The following TLL1 variants were observed in gnomAD, a reference collection of about 807,000 sequenced individuals.
TLL1 encodes tolloid-like protein 1.
Under a neutral mutation model 128.2 loss-of-function variants are expected in TLL1, and 49 were observed. The observed-to-expected ratio is 0.38, with a 90% confidence interval of 0.30 to 0.48. TLL1 has a LOEUF of 0.48. Ranked by LOEUF, TLL1 falls within the 20% of genes least tolerant of loss-of-function variation. The probability of loss-of-function intolerance (pLI) is 0.96; values close to 1 mark genes in which losing one functional copy is unlikely to be tolerated. For missense variants in TLL1, 1,123 were observed against 1,242.0 expected, an observed-to-expected ratio of 0.90 and a Z score of 1.44; for synonymous variants, 454 against 418.8, an observed-to-expected ratio of 1.08 and a Z score of -1.03.
At chr4:166,074,809 A>G in intron 16 of TLL1, 69 bp from the exon 17 acceptor site, 2 of 1,595,132 alleles carry the variant, frequency 1.3e-6, no homozygotes. Flanking sequence ...ACCACAACTA[A>G]ATGACTCCCT....
intron 1 of TLL1, among the ~76,000 whole-genome samples, chr4:165,906,556 C>CA (rs1732264239): frequency 6.6e-6 from 1 of 152,098 alleles, no homozygotes; most frequent in South Asian, 2.1e-4. Flanking sequence ...TTTTAATAAA[C>CA]AGTGAAATTA....
chr4:165,945,236 G>A (rs749258652), intron 1 of TLL1, among the ~76,000 whole-genome samples: 2 of 151,474 alleles, frequency 1.3e-5, no homozygotes, highest in Non-Finnish European at 3.0e-5. Context: ...ATGTGAATGG[G>A]ACAAAAATTG....
intron 9 of TLL1, among the ~76,000 whole-genome samples, chr4:166,033,691 C>T (rs137860704): frequency 1.3e-5 from 2 of 152,250 alleles, no homozygotes; most frequent in Admixed American, 6.5e-5. Flanking sequence ...AGTTCACATG[C>T]ATATCTTTCT....
At chr4:166,058,935 T>C (rs555029599) in intron 14 of TLL1, among the ~76,000 whole-genome samples, 1 of 152,210 alleles carries the variant, frequency 6.6e-6, no homozygotes, top group South Asian at 2.1e-4. Context: ...TTCTTAAAAG[T>C]CTGAACTTTC....
At chr4:165,904,004 A>G (rs894080197) in intron 1 of TLL1, among the ~76,000 whole-genome samples, 1 of 152,178 alleles carries the variant, frequency 6.6e-6, no homozygotes, top group South Asian at 2.1e-4. Flanking sequence ...TACGTTTAAC[A>G]AACGCTAGTT....
rs532734433 is a variant in TLL1 at position 165,924,776 on chromosome 4, G to A, written c.169+50703G>A. 7.2e-5 allele frequency among the ~76,000 whole-genome samples: 11 copies of A among 152,272 alleles called. No individual in the cohort carries two copies. In the South Asian group the frequency reaches 1.7e-3, roughly 23 times the overall value. On this transcript the variant is annotated intron_variant, in intron 1 of 20. Coordinates refer to ENST00000061240, the MANE Select transcript of TLL1 (RefSeq NM_012464.5). ...AGAGGAGAAGTCAATGCATGACTTCGAAGCTTCAAAGGACAGGCTGACTCT... is the reference window on the plus strand; with the variant it reads ...AGAGGAGAAGTCAATGCATGACTTCAAAGCTTCAAAGGACAGGCTGACTCT...
intron 14 of TLL1, among the ~76,000 whole-genome samples, chr4:166,057,661 A>C (rs1740090920): frequency 6.6e-6 from 1 of 152,214 alleles, no homozygotes; most frequent in South Asian, 2.1e-4. Context: ...ATGGACTCAC[A>C]GTTCCACATG....
intron 7 of TLL1, among the ~76,000 whole-genome samples, chr4:166,014,031 A>C (rs920863256): frequency 4.0e-5 from 6 of 151,798 alleles, no homozygotes; most frequent in African/African-American, 1.5e-4. Flanking sequence ...TAGTAACTTC[A>C]ACATTATTTA....
At chr4:165,925,651 G>A (rs2110895984) in intron 1 of TLL1, among the ~76,000 whole-genome samples, 1 of 152,336 alleles carries the variant, frequency 6.6e-6, no homozygotes, top group African/African-American at 2.4e-5. Flanking sequence ...AGCAGTGGCA[G>A]AGTTTGAGAA....
chr4:166,013,008 T>C (rs916015163), intron 7 of TLL1, among the ~76,000 whole-genome samples: 4 of 151,812 alleles, frequency 2.6e-5, no homozygotes, highest in Admixed American at 1.3e-4. Context: ...AGTTAAATTA[T>C]CTGGCTGGTG....
intron 1 of TLL1, among the ~76,000 whole-genome samples, chr4:165,902,886 T>G (rs2110855845): frequency 6.6e-6 from 1 of 152,272 alleles, no homozygotes; most frequent in Non-Finnish European, 1.5e-5. Context: ...GTTCTAAAAC[T>G]TGTTTAAGAA....
chr4:166,089,930 G>A (rs565855386), intron 18 of TLL1, among the ~76,000 whole-genome samples: 110 of 151,788 alleles, frequency 7.2e-4, no homozygotes, highest in Non-Finnish European at 1.2e-3. Context: ...TCACTCCTCC[G>A]AAGTCAGAAG....
chr4:165,917,927 T>C (rs1732860262), intron 1 of TLL1, among the ~76,000 whole-genome samples: 1 of 152,196 alleles, frequency 6.6e-6, no homozygotes, highest in South Asian at 2.1e-4. Context: ...TTTTTTATCA[T>C]TAGCGTAACT....
At chr4:165,883,461 C>T (rs746081253) in intron 1 of TLL1, among the ~76,000 whole-genome samples, 5 of 152,150 alleles carry the variant, frequency 3.3e-5, no homozygotes, top group Non-Finnish European at 7.4e-5. Context: ...ACATAATAAC[C>T]ATGTGTGGCT....
At chr4:166,030,563 G>T in intron 9 of TLL1, 1 of 554,678 alleles carries the variant, frequency 1.8e-6, no homozygotes, top group South Asian at 2.8e-5. Context: ...TGGTGTCATA[G>T]CCAAGAAATC....
At chr4:166,011,005 T>C (rs1737668210) in intron 7 of TLL1, among the ~76,000 whole-genome samples, 1 of 151,380 alleles carries the variant, frequency 6.6e-6, no homozygotes, top group African/African-American at 2.4e-5. Flanking sequence ...CACCCGTCTA[T>C]AGATCTGTCT....
intron 1 of TLL1, among the ~76,000 whole-genome samples, chr4:165,909,097 C>T (rs1411661840): frequency 6.6e-6 from 1 of 151,906 alleles, no homozygotes; most frequent in Non-Finnish European, 1.5e-5. Context: ...TGAGGCAGGA[C>T]AACCACTTGA....
chr4:165,947,335 A>G (rs1370584028), intron 1 of TLL1, among the ~76,000 whole-genome samples: 1 of 152,080 alleles, frequency 6.6e-6, no homozygotes, highest in East Asian at 1.9e-4. Flanking sequence ...GCCACATTGG[A>G]TGTTAGGGCT....
intron 9 of TLL1, among the ~76,000 whole-genome samples, chr4:166,029,923 C>T (rs910908210): frequency 2.6e-5 from 4 of 152,036 alleles, no homozygotes; most frequent in African/African-American, 9.7e-5. Flanking sequence ...TACCTCTTGG[C>T]TATTGTGAAT....
Sources: allele counts gnomAD v4.1 joint callset (sites outside exome capture counted in the v4.1 genomes callset), GRCh38; gene constraint gnomAD v4.1.1; transcripts MANE v1.5; gene names NCBI Gene and HGNC (gene_info 2026-07-23, HGNC 2026-07-21).